SDK2: variants seen among roughly 807,000 people sequenced by gnomAD.
SDK2 encodes sidekick cell adhesion molecule 2.
In SDK2, 105 loss-of-function variants were observed where a neutral mutation model predicts 253.9. That is an observed-to-expected ratio of 0.41 (90% CI 0.35 to 0.49). The LOEUF is 0.49. SDK2 is among the 20% of genes least tolerant of loss of function. SDK2 has a pLI of 0.06. For missense variants in SDK2, 2,608 were observed against 3,003.0 expected (o/e 0.87, Z 3.07); for synonymous variants, 1,249 against 1,234.9 (o/e 1.01, Z -0.24).
In SDK2 at chr17:73,636,207, C is replaced by T. The variant is rs566801770; in HGVS notation, c.64+7818G>A. Among the ~76,000 whole-genome samples, 7 of 152,116 alleles carry T rather than the reference C, an allele frequency of 4.6e-5. No individual in the cohort carries two copies. In the East Asian group the frequency reaches 5.8e-4, roughly 13 times the overall value. ...TCACATCCTGACTCCTCAACTTCCCCGCTAGAAGGTCTTGGGTGGTTAATC... is the reference window on the plus strand; with the variant it reads ...TCACATCCTGACTCCTCAACTTCCCTGCTAGAAGGTCTTGGGTGGTTAATC... On this transcript the variant is annotated intron_variant, in intron 1 of 44. Transcript: ENST00000392650.
At chr17:73,486,873 G>A (rs1197700491) in intron 2 of SDK2, among the ~76,000 whole-genome samples, 1 of 152,296 alleles carries the variant, frequency 6.6e-6, no homozygotes, top group East Asian at 1.9e-4. Context: ...TGTTGAGGAT[G>A]AGTAACCTGA....
rs540737815 is a variant in SDK2 at position 73,612,689 on chromosome 17, C to G, written c.64+31336G>C. Among the ~76,000 whole-genome samples the G allele has an allele frequency of 6.6e-6, 1 of 152,116 alleles. No individual in the cohort carries two copies. Among genetic ancestry groups the G allele is most frequent in the Non-Finnish European group, 1.5e-5 (1 of 68,026 alleles). ...ATCCCAGCATTTTGGGAAGCCCAGG[C>G]GGGCAGATCACAAGGTCAAGACTTT... On this transcript the variant is annotated intron_variant, in intron 1 of 44. Coordinates refer to ENST00000392650, the MANE Select transcript of SDK2 (RefSeq NM_001144952.2). This position sits in a 1 kb window ranked among gnomAD's most constrained non-coding sequence, Gnocchi z 4.4.
intron 33 of SDK2, among the ~76,000 whole-genome samples, chr17:73,381,820 G>A (rs1291500678): frequency 3.3e-5 from 5 of 152,014 alleles, no homozygotes; most frequent in Admixed American, 6.6e-5. Context: ...CAGGAGAATC[G>A]CTTGAACCTG....
chr17:73,523,818 T>C (rs992609165), intron 1 of SDK2, among the ~76,000 whole-genome samples: 2 of 151,482 alleles, frequency 1.3e-5, no homozygotes, highest in African/African-American at 4.9e-5. Flanking sequence ...CCTTTCTCTA[T>C]GCAGGTTTCC....
chr17:73,522,751 A>G (rs545008488), intron 1 of SDK2, among the ~76,000 whole-genome samples: 67 of 152,352 alleles, frequency 4.4e-4, no homozygotes, highest in African/African-American at 1.6e-3. Context: ...CCAGCAGCTG[A>G]TACCAGGGAA....
chr17:73,437,628 C>T (rs2063380280), intron 8 of SDK2, 111 bp downstream of exon 8: 1 of 936,236 alleles, frequency 1.1e-6, no homozygotes, highest in East Asian at 2.4e-5. Flanking sequence ...GACTCTCTGC[C>T]TAGTGACATG....
intron 1 of SDK2, among the ~76,000 whole-genome samples, chr17:73,547,083 C>G (rs904975130): frequency 6.6e-6 from 1 of 152,246 alleles, no homozygotes; most frequent in Non-Finnish European, 1.5e-5. Context: ...CCTAGCCTGC[C>G]CTGCCTAGGG....
At chr17:73,414,605 C>G in intron 18 of SDK2, 39 bp downstream of exon 18, 1 of 1,518,688 alleles carries the variant, frequency 6.6e-7, no homozygotes, top group Non-Finnish European at 9.1e-7. Context: ...TCCAGAAGAT[C>G]TTAGGGCCTC....
chr17:73,450,235 C>T lies in SDK2; in HGVS notation c.480-2487G>A, dbSNP rs79208689. Among the ~76,000 whole-genome samples the T allele has an allele frequency of 8.8e-3, 1,337 of 152,306 alleles. 20 individuals carry two copies. Among genetic ancestry groups the T allele is most frequent in the African/African-American group, 0.03 (1,240 of 41,572 alleles). On this transcript the variant is annotated intron_variant, in intron 4 of 44. Transcript: ENST00000392650. ...CTAGCCTCTAAAGGGCATGCAGCTTCCTCCTTGCTGGGCCTCAGTTTCCTC... is the reference window on the plus strand; with the variant it reads ...CTAGCCTCTAAAGGGCATGCAGCTTTCTCCTTGCTGGGCCTCAGTTTCCTC...
intron 1 of SDK2, among the ~76,000 whole-genome samples, chr17:73,575,440 G>C (rs889095869): frequency 6.6e-6 from 1 of 152,214 alleles, no homozygotes; most frequent in African/African-American, 2.4e-5. Flanking sequence ...GGCATCATGT[G>C]AGGCTGTGAA....
intron 1 of SDK2, among the ~76,000 whole-genome samples, chr17:73,509,272 A>C (rs1567813751): frequency 6.6e-6 from 1 of 152,200 alleles, no homozygotes; most frequent in African/African-American, 2.4e-5. Context: ...ATGGAAGGAA[A>C]TAGTGATGGT....
chr17:73,597,707 A>G (rs1344743541), intron 1 of SDK2, among the ~76,000 whole-genome samples: 5 of 149,588 alleles, frequency 3.3e-5, no homozygotes, highest in South Asian at 2.1e-4. Flanking sequence ...GTGCAGTGGC[A>G]CGATCTCAGC....
At chr17:73,551,701 C>A (rs143519696) in intron 1 of SDK2, among the ~76,000 whole-genome samples, 1 of 152,164 alleles carries the variant, frequency 6.6e-6, no homozygotes, top group African/African-American at 2.4e-5. Flanking sequence ...GATGCCATAG[C>A]GAGCAAGACA....
At chr17:73,571,510 G>A (rs1427793146) in intron 1 of SDK2, among the ~76,000 whole-genome samples, 1 of 152,214 alleles carries the variant, frequency 6.6e-6, no homozygotes, top group Non-Finnish European at 1.5e-5. Context: ...GTCCTGGGGG[G>A]AACATGTGGG....
chr17:73,501,296 C>T (rs1429836262), intron 2 of SDK2, among the ~76,000 whole-genome samples: 2 of 149,856 alleles, frequency 1.3e-5, no homozygotes, highest in African/African-American at 5.0e-5. Context: ...ATACATTAGA[C>T]TCTGTATATC....
chr17:73,597,089 G>T (rs1400074277), intron 1 of SDK2, among the ~76,000 whole-genome samples: 3 of 152,222 alleles, frequency 2.0e-5, no homozygotes, highest in Non-Finnish European at 4.4e-5. Flanking sequence ...CTGTGGGAGT[G>T]CCTGTCAAGA....
intron 31 of SDK2, 61 bp downstream of exon 31, chr17:73,386,384 C>A: frequency 8.2e-7 from 1 of 1,219,864 alleles, no homozygotes; most frequent in Non-Finnish European, 1.2e-6. Flanking sequence ...TAAGAAAATG[C>A]CCCATGCCCA....
Position 73,338,910 on chromosome 17 carries a change from T to C in SDK2, c.6196A>G (p.Asn2066Asp). The C allele has an allele frequency of 6.2e-7, 1 of 1,614,024 alleles. No individual in the cohort carries two copies. Among genetic ancestry groups the C allele is most frequent in the Non-Finnish European group, 8.5e-7 (1 of 1,179,902 alleles). ...GSDSEYEVDSNHQKAHSFVNH... is the reference protein window; with the variant it reads ...GSDSEYEVDSDHQKAHSFVNH... Reference sequence around the variant, plus strand: ...ACAAAGGAGTGGGCCTTCTGGTGGTTTGAGTCGACCTCGTACTCGCTGTCA... The same window carrying C: ...ACAAAGGAGTGGGCCTTCTGGTGGTCTGAGTCGACCTCGTACTCGCTGTCA... The change falls in exon 45 of 45, where the codon AAC (asparagine) becomes GAC (aspartate). Residue 2066 changes from asparagine (N) to aspartate (D), a missense_variant. By Grantham distance (23) the Asn-to-Asp change is conservative. Around this residue, in one of 2 missense-constraint regions of SDK2, gnomAD observed 1,103 missense variants for 1,143.9 expected, o/e 0.96. Coordinates refer to ENST00000392650, the MANE Select transcript of SDK2 (RefSeq NM_001144952.2). This position sits in a 1 kb window ranked among gnomAD's most constrained non-coding sequence, Gnocchi z 5.0.
chr17:73,588,834 C>T (rs941273263), intron 1 of SDK2, among the ~76,000 whole-genome samples: 104 of 152,222 alleles, frequency 6.8e-4, no homozygotes, highest in Non-Finnish European at 1.3e-3. Flanking sequence ...GGGTGACAAC[C>T]GGACAGGCGT....
Sources: allele counts gnomAD v4.1 joint callset (sites outside exome capture counted in the v4.1 genomes callset), GRCh38; gene constraint gnomAD v4.1.1; regional missense constraint gnomAD v4.1.1; non-coding constraint Gnocchi (gnomAD v3.1); transcripts MANE v1.5; gene names NCBI Gene and HGNC (gene_info 2026-07-23, HGNC 2026-07-21).